Variants in CSTF3 observed in about 807,000 individuals in gnomAD.
CSTF3 encodes the protein CF-1 77 kDa subunit.
In CSTF3, 29 loss-of-function variants were observed where a neutral mutation model predicts 105.8. That is an observed-to-expected ratio of 0.27 (90% CI 0.20 to 0.37). The LOEUF (loss-of-function observed/expected upper bound fraction) is 0.37. Ranked by LOEUF, CSTF3 falls within the 10% of genes least tolerant of loss-of-function variation. The pLI is 1.00. For missense variants in CSTF3, 357 were observed against 879.3 expected, an observed-to-expected ratio of 0.41 and a Z score of 7.51; for synonymous variants, 252 against 281.9, an observed-to-expected ratio of 0.89 and a Z score of 1.06.
chr11:33,098,276 A>G (rs575636451), intron 13 of CSTF3, among the ~76,000 whole-genome samples: 1 of 152,280 alleles, frequency 6.6e-6, no homozygotes, highest in African/African-American at 2.4e-5. Context: ...TCTTCCCAGG[A>G]TGTCGGTTTC....
intron 3 of CSTF3, among the ~76,000 whole-genome samples, chr11:33,112,382 G>T (rs1381341586): frequency 6.6e-6 from 1 of 152,048 alleles, no homozygotes; most frequent in Non-Finnish European, 1.5e-5. Flanking sequence ...CCTATAAAAT[G>T]GGAATGATAA....
intron 3 of CSTF3, among the ~76,000 whole-genome samples, chr11:33,129,709 GCA>G (rs1284343509): frequency 6.6e-6 from 1 of 152,144 alleles, no homozygotes; most frequent in African/African-American, 2.4e-5. Context: ...TTTTTAGTTT[GCA>G]CAGTCTCCTA....
At chr11:33,118,343 T>C (rs1018027372) in intron 3 of CSTF3, among the ~76,000 whole-genome samples, 14 of 151,904 alleles carry the variant, frequency 9.2e-5, no homozygotes, top group African/African-American at 3.4e-4. Context: ...TCCCAATATA[T>C]AGGGCATCTA....
intron 3 of CSTF3, among the ~76,000 whole-genome samples, chr11:33,118,803 T>C (rs1354162464): frequency 6.6e-6 from 1 of 151,508 alleles, no homozygotes; most frequent in African/African-American, 2.4e-5. Context: ...AGAATGGTAA[T>C]CAAGTAGATT....
chr11:33,089,141 G>A (rs369082025), intron 17 of CSTF3, among the ~76,000 whole-genome samples: 1 of 152,180 alleles, frequency 6.6e-6, no homozygotes, highest in East Asian at 1.9e-4. Flanking sequence ...GAGCCTAGGA[G>A]TTTGAGGCCA....
rs1447617483 is a variant in CSTF3, at chr11:33,122,928, A to AG, written c.226-14511_226-14510insC. Among the ~76,000 whole-genome samples the AG allele has an allele frequency of 6.8e-3, 1,022 of 150,706 alleles. 15 individuals are homozygous for AG. Among genetic ancestry groups the AG allele is most frequent in the African/African-American group, 0.024 (961 of 40,858 alleles). Reference sequence around the variant, plus strand: ...ATATCCTGTCTCAAAAAAAAAAAAAAAAAAAAGAAAAGAAAAAAGAAAAGA... The same window carrying AG: ...ATATCCTGTCTCAAAAAAAAAAAAAAGAAAAAAGAAAAGAAAAAAGAAAAGA... On this transcript the variant is annotated intron_variant, in intron 3 of 20. Coordinates refer to ENST00000323959, the MANE Select transcript of CSTF3 (RefSeq NM_001326.3).
chr11:33,085,135 G>C lies in CSTF3; in HGVS notation c.2106C>G (p.Pro702=). 1.2e-6 allele frequency: 2 copies of C among 1,614,112 alleles called. No homozygotes were observed. Among genetic ancestry groups the C allele is most frequent in the Non-Finnish European group, 1.7e-6 (2 of 1,180,024 alleles). The change falls in exon 21 of 21, where the codon CCC becomes CCG. Residue 702 remains proline (P), a synonymous_variant. Coordinates refer to ENST00000323959, the MANE Select transcript of CSTF3 (RefSeq NM_001326.3). ...DEDEEKGAVV[P]PVHDIYRARQ... is the part of the protein sequence containing the mutation. ...GTGCTCTGTAAATGTCATGAACAGG[G>C]GGGACAACGGCTCCCTTTTCTTCAT...
chr11:33,107,826 C>A (rs185847953), intron 5 of CSTF3, 77 bp downstream of exon 5: 3 of 771,018 alleles, frequency 3.9e-6, no homozygotes, highest in East Asian at 2.8e-5. Flanking sequence ...TTGGGGCTAA[C>A]AGAAGGTGTG....
chr11:33,087,286 TGG>T, intron 17 of CSTF3, 145 bp from the exon 18 acceptor site: 2 of 791,852 alleles, frequency 2.5e-6, no homozygotes, highest in Admixed American at 2.6e-5. Flanking sequence ...ACTCTAATGA[TGG>T]TAAAGATTGT....
intron 3 of CSTF3, among the ~76,000 whole-genome samples, chr11:33,116,724 T>G (rs1208470179): frequency 6.6e-6 from 1 of 152,052 alleles, no homozygotes; most frequent in Non-Finnish European, 1.5e-5. Flanking sequence ...AAAAGATGAC[T>G]CATAAGTAGG....
intron 17 of CSTF3, among the ~76,000 whole-genome samples, chr11:33,090,162 CAT>C (rs1448050199): frequency 6.6e-6 from 1 of 152,136 alleles, no homozygotes; most frequent in African/African-American, 2.4e-5. Flanking sequence ...TCTGTCAAAA[CAT>C]ATTTATCAAT....
chr11:33,091,671 A>T (rs1276026455), intron 16 of CSTF3, among the ~76,000 whole-genome samples: 1 of 152,170 alleles, frequency 6.6e-6, no homozygotes, highest in Non-Finnish European at 1.5e-5. Context: ...GCCTCTCTTA[A>T]CATGTTAATA....
chr11:33,130,210 T>C (rs1052585606), intron 3 of CSTF3, among the ~76,000 whole-genome samples: 5 of 152,226 alleles, frequency 3.3e-5, no homozygotes, highest in African/African-American at 9.6e-5. Flanking sequence ...TGGTGGCTCA[T>C]GCCTGTAATC....
In CSTF3 at chr11:33,096,725, T is replaced by C. The variant is rs941197688; in HGVS notation, c.1272+110A>G. 1.2e-5 allele frequency: 13 copies of C among 1,085,402 alleles called. No individual in the cohort carries two copies. In the African/African-American group the frequency reaches 2.1e-4, roughly 17 times the overall value. 67.2% of individuals were successfully genotyped at this position (1,085,402 alleles called of 1,614,324 possible). The stretch of plus-strand genomic sequence containing the variant: ...TACACAGATACACTTAGACTGCCTT[T>C]ACAAAATGGAGCAATAAAAGCTTAA... On this transcript the variant is annotated intron_variant, in intron 14 of 20. Transcript: ENST00000323959.
Position 33,106,024 on chromosome 11 carries a change from T to A in CSTF3, c.397A>T (p.Ile133Phe), listed in dbSNP as rs1855322171. 1 of 1,612,892 alleles carries A rather than the reference T, an allele frequency of 6.2e-7. No homozygotes were observed. Among genetic ancestry groups the A allele is most frequent in the Non-Finnish European group, 8.5e-7 (1 of 1,179,202 alleles). Residue 133 changes from isoleucine (I) to phenylalanine (F), a missense_variant, in exon 6 of 21, where the codon ATT (isoleucine) becomes TTT (phenylalanine). Ile to Phe is a conservative substitution (Grantham distance 21, BLOSUM62 0). Transcript: ENST00000323959. The stretch of plus-strand genomic sequence containing the variant: ...TGATAGGACATAATTTCCATTCCAA[T>A]TTTATCCAGTGCAAAGTCATATGCT... ...AQAYDFALDKIGMEIMSYQIW... is the reference protein window; with the variant it reads ...AQAYDFALDKFGMEIMSYQIW...
chr11:33,100,186 C>G (rs1463783795), intron 10 of CSTF3, among the ~76,000 whole-genome samples: 2 of 151,996 alleles, frequency 1.3e-5, no homozygotes, highest in African/African-American at 4.8e-5. Flanking sequence ...GAAACCCTGT[C>G]TCTACTGAAA....
chr11:33,153,712 C>CAA (rs35247715), intron 1 of CSTF3, among the ~76,000 whole-genome samples: 26,899 of 121,472 alleles, frequency 0.22, 3,151 homozygotes, highest in East Asian at 0.36. Context: ...GTAAAACAGA[C>CAA]AAAAAAAAAA....
In CSTF3 at chr11:33,085,131, CA is replaced by C. The variant is rs1378770326; in HGVS notation, c.2109del (p.Val704PhefsTer62). ...TGCCGTGCTCTGTAAATGTCATGAA[CA>C]GGGGGGACAACGGCTCCCTTTTCTT... is the stretch of plus-strand genomic sequence containing the variant. ...EDEEKGAVVP[P>X]VHDIYRARQQ... On this transcript the variant is annotated frameshift_variant, in exon 21 of 21. Transcript: ENST00000323959. LOFTEE classifies it high-confidence loss of function. 2.5e-6 allele frequency: 4 copies of C among 1,614,016 alleles called. No homozygotes were observed. The highest frequency in any genetic ancestry group is 1.7e-5 in the Admixed American group (1 of 59,990).
At chr11:33,093,609 A>G (rs1485611684) in intron 15 of CSTF3, among the ~76,000 whole-genome samples, 2 of 152,214 alleles carry the variant, frequency 1.3e-5, no homozygotes, top group East Asian at 3.8e-4. Context: ...AATCAATATG[A>G]AAAATTGTTA....
Sources: gnomAD v4.1 joint callset for allele counts (sites outside exome capture counted in the v4.1 genomes callset) on GRCh38, gnomAD v4.1.1 for gene constraint, MANE v1.5 for transcripts, NCBI Gene and HGNC (gene_info 2026-07-23, HGNC 2026-07-21) for gene names.